Variants in ITPRID1 observed in about 807,000 individuals in gnomAD.
ITPRID1 encodes protein ITPRID1.
Under a neutral mutation model 95.4 loss-of-function variants are expected in ITPRID1, and 96 were observed. That is an observed-to-expected ratio of 1.01 (90% CI 0.85 to 1.19). The LOEUF is 1.19. ITPRID1 is among the 50% of genes most tolerant of loss of function. The pLI, the probability that ITPRID1 is intolerant of heterozygous loss-of-function variation, is 0.00. For synonymous variants in ITPRID1, 510 were observed against 453.6 expected (o/e 1.12, Z -1.58); for missense variants, 1,339 against 1,252.9 (o/e 1.07, Z -1.04).
chr7:31,525,921 G>A (rs1395081153), intron 1 of ITPRID1, among the ~76,000 whole-genome samples: 7 of 152,012 alleles, frequency 4.6e-5, no homozygotes, highest in Non-Finnish European at 8.8e-5. Flanking sequence ...ACTGTACATC[G>A]AGATTGTGTT....
intron 1 of ITPRID1, among the ~76,000 whole-genome samples, chr7:31,539,931 C>T (rs1236881216): frequency 1.3e-5 from 2 of 151,752 alleles, no homozygotes; most frequent in African/African-American, 2.4e-5. Context: ...TGTTTCTGGT[C>T]GGAGATGTTA....
intron 10 of ITPRID1, among the ~76,000 whole-genome samples, chr7:31,635,829 G>A (rs1057295627): frequency 1.3e-5 from 2 of 152,068 alleles, no homozygotes; most frequent in African/African-American, 2.4e-5. Flanking sequence ...TGCATGCCAG[G>A]CTTAATACCT....
chr7:31,572,643 T>C, intron 7 of ITPRID1, among the ~76,000 whole-genome samples: 1 of 152,046 alleles, frequency 6.6e-6, no homozygotes, highest in Non-Finnish European at 1.5e-5. Flanking sequence ...TGGAAGAGGG[T>C]CAGGATTGGT....
At chr7:31,562,144 G>A (rs191056955) in intron 5 of ITPRID1, among the ~76,000 whole-genome samples, 3 of 150,902 alleles carry the variant, frequency 2.0e-5, no homozygotes, top group African/African-American at 4.9e-5. Context: ...AGTGCTATCT[G>A]GCTGAGATAT....
Position 31,540,011 on chromosome 7 carries a change from C to T in ITPRID1, c.-97-9415C>T, listed in dbSNP as rs543386513. 9.2e-5 allele frequency among the ~76,000 whole-genome samples: 14 copies of T among 152,156 alleles called. No homozygotes were observed. The East Asian group carries it at 1.2e-3, about 13-fold the overall frequency. The stretch of plus-strand genomic sequence containing the variant: ...CCTTTGGATTTAGGCAGTTTTTTAT[C>T]GAGGTGAACTTAAAATGGCAGTGCT... On this transcript the variant is annotated intron_variant, in intron 1 of 14. Coordinates refer to ENST00000615280, the MANE Select transcript of ITPRID1 (RefSeq NM_001257967.3).
intron 11 of ITPRID1, 56 bp from the exon 12 acceptor site, chr7:31,642,626 C>T: frequency 6.7e-7 from 1 of 1,495,186 alleles, no homozygotes. Flanking sequence ...TCACCTTAAA[C>T]CTATTGCCTC....
chr7:31,549,939 G>A (rs1784227222), intron 2 of ITPRID1, among the ~76,000 whole-genome samples: 1 of 152,180 alleles, frequency 6.6e-6, no homozygotes, highest in Non-Finnish European at 1.5e-5. Context: ...ACTGCTTTAA[G>A]TGTCAAAGCA....
chr7:31,515,834 G>A (rs565797295), intron 1 of ITPRID1, among the ~76,000 whole-genome samples: 2 of 152,332 alleles, frequency 1.3e-5, no homozygotes, highest in South Asian at 4.1e-4. Flanking sequence ...AATGTGAAGA[G>A]AGAATGAGAA....
At chr7:31,523,788 A>C (rs1368803863) in intron 1 of ITPRID1, among the ~76,000 whole-genome samples, 1 of 152,224 alleles carries the variant, frequency 6.6e-6, no homozygotes, top group Non-Finnish European at 1.5e-5. Context: ...CAATGTAAGA[A>C]TAGCCTACTA....
At chr7:31,591,397 A>G (rs1159184173) in intron 10 of ITPRID1, among the ~76,000 whole-genome samples, 3 of 152,122 alleles carry the variant, frequency 2.0e-5, no homozygotes, top group Non-Finnish European at 4.4e-5. Context: ...CAACGTAAAC[A>G]CTCCTGATTG....
At chr7:31,629,901 G>A (rs2128191875) in intron 10 of ITPRID1, among the ~76,000 whole-genome samples, 1 of 152,276 alleles carries the variant, frequency 6.6e-6, no homozygotes, top group African/African-American at 2.4e-5. Flanking sequence ...TGCTTAAAAG[G>A]ACAGGTAAGG....
At chr7:31,568,024 G>A (rs1308253047) in intron 5 of ITPRID1, among the ~76,000 whole-genome samples, 1 of 151,852 alleles carries the variant, frequency 6.6e-6, no homozygotes, top group Non-Finnish European at 1.5e-5. Context: ...TACTTGGGAG[G>A]CTGAGGCACG....
At chr7:31,574,417 C>A in intron 7 of ITPRID1, 123 bp from the exon 8 acceptor site, 2 of 846,956 alleles carry the variant, frequency 2.4e-6, no homozygotes. Flanking sequence ...GTGCACGCAC[C>A]GTTTGTCTAT....
At chr7:31,641,187 G>T (rs73686903) in intron 10 of ITPRID1, among the ~76,000 whole-genome samples, 1,833 of 152,252 alleles carry the variant, frequency 0.012, 42 homozygotes, top group African/African-American at 0.042. Flanking sequence ...CTAAGCAGAG[G>T]CTGGGATCAT....
chr7:31,515,438 G>A (rs1466355760), intron 1 of ITPRID1, among the ~76,000 whole-genome samples: 1 of 152,140 alleles, frequency 6.6e-6, no homozygotes, highest in Non-Finnish European at 1.5e-5. Flanking sequence ...AGCTGGGTGT[G>A]GTGGTGCATG....
intron 10 of ITPRID1, among the ~76,000 whole-genome samples, chr7:31,596,467 G>A (rs548609348): frequency 6.6e-6 from 1 of 151,478 alleles, no homozygotes; most frequent in South Asian, 2.1e-4. Flanking sequence ...GTAAACTAAT[G>A]GTGATTTAAG....
At chr7:31,626,730 T>C (rs1788504100) in intron 10 of ITPRID1, among the ~76,000 whole-genome samples, 1 of 152,318 alleles carries the variant, frequency 6.6e-6, no homozygotes, top group East Asian at 1.9e-4. Flanking sequence ...TGTGGCAGTT[T>C]TCATCTTTAT....
At chr7:31,602,796 A>G (rs750728462) in intron 10 of ITPRID1, among the ~76,000 whole-genome samples, 4 of 150,888 alleles carry the variant, frequency 2.7e-5, no homozygotes, top group Admixed American at 6.6e-5. Context: ...AGTATTTTCT[A>G]TCCTGCTCTT....
At chr7:31,604,322 A>C (rs1786523705) in intron 10 of ITPRID1, among the ~76,000 whole-genome samples, 1 of 152,256 alleles carries the variant, frequency 6.6e-6, no homozygotes. Flanking sequence ...TTGGATCAAA[A>C]TAATTCAGCA....
Sources: allele counts gnomAD v4.1 joint callset (sites outside exome capture counted in the v4.1 genomes callset), GRCh38; gene constraint gnomAD v4.1.1; transcripts MANE v1.5; gene names NCBI Gene and HGNC (gene_info 2026-07-23, HGNC 2026-07-21).